LIG3: variants seen among roughly 807,000 people sequenced by gnomAD.
LIG3 encodes the protein ligase II, DNA, ATP-dependent.
In LIG3, 58 loss-of-function variants were observed where a neutral mutation model predicts 110.9. The ratio of observed to expected loss-of-function variants is 0.52; its 90% CI spans 0.42 to 0.65. The LOEUF is 0.65. Ranked by LOEUF, LIG3 falls within the 30% of genes least tolerant of loss-of-function variation. LIG3 has a pLI of 0.00. For synonymous variants in LIG3, 422 were observed against 472.8 expected (o/e 0.89, Z 1.39); for missense variants, 1,094 against 1,273.8 (o/e 0.86, Z 2.15).
chr17:35,005,833 A>G lies in LIG3; in HGVS notation c.*1327A>G, dbSNP rs1339360336. 1 of 440,640 alleles carries G rather than the reference A, an allele frequency of 2.3e-6. No homozygotes were observed. Among genetic ancestry groups the G allele is most frequent in the South Asian group, 1.8e-5 (1 of 54,902 alleles). The allele number at this position is 440,640 out of a possible 1,614,324, so 27.3% of individuals were successfully genotyped here. Reference sequence around the variant, plus strand: ...CCAATCCTCCAATATGAAATGTGGGAAAGAATGAAGAGCAGCAGTAAAAGA... The same window carrying G: ...CCAATCCTCCAATATGAAATGTGGGGAAGAATGAAGAGCAGCAGTAAAAGA... On this transcript the variant is annotated 3_prime_UTR_variant, in exon 20 of 20. Coordinates refer to ENST00000378526, the MANE Select transcript of LIG3 (RefSeq NM_013975.4).
At position 34,994,354 on chromosome 17, in the gene LIG3, G is replaced by A. The variant is rs2090756718; in HGVS notation, c.1534G>A (p.Glu512Lys). 3 of 1,614,072 alleles carry A rather than the reference G, an allele frequency of 1.9e-6. No homozygotes were observed. The highest frequency in any genetic ancestry group is 2.5e-6 in the Non-Finnish European group (3 of 1,180,020). The change falls in exon 9 of 20, where the codon GAG becomes AAG. Residue 512 changes from glutamate to lysine, a missense_variant. Coordinates refer to ENST00000378526, the MANE Select transcript of LIG3 (RefSeq NM_013975.4). ...GTTCTCTGAGATCAAGTACGATGGA[G>A]AGCGAGTCCAGGTGCATAAGAATGG... is the stretch of plus-strand genomic sequence containing the variant. ...GMFSEIKYDG[E>K]RVQVHKNGDH...
In LIG3 at chr17:35,001,331, C is replaced by T. The variant is rs1388766090; in HGVS notation, c.2406C>T (p.Ile802=). Residue 802 remains isoleucine, a synonymous_variant, in exon 17 of 20, where the codon ATC becomes ATT. Transcript: ENST00000378526. ...SEAHTADGIS[I]RFPRCTRIRD... ...CTCATACAGCTGACGGGATCTCCAT[C>T]CGATTCCCTCGCTGCACCCGAATCC... The T allele has an allele frequency of 6.2e-7, 1 of 1,614,154 alleles. No homozygotes were observed. The highest frequency in any genetic ancestry group is 1.1e-5 in the South Asian group (1 of 91,080).
chr17:34,986,523 C>T (rs1026479774), intron 3 of LIG3, among the ~76,000 whole-genome samples: 1 of 152,036 alleles, frequency 6.6e-6, no homozygotes, highest in Admixed American at 6.5e-5. Context: ...GGTTTCGCCA[C>T]GTTGGCCAGG....
At position 35,002,058 on chromosome 17, in the gene LIG3, T is replaced by A; in HGVS notation, c.2628T>A (p.Ser876Arg). ...AGGCCCCCAGCAAGCCCTCAGCCAG[T>A]ACCAAGAAAGCAGAAGGGAAGCTGA... ...SRKAPSKPSA[S>R]TKKAEGKLSN... is the part of the protein sequence containing the mutation. The change falls in exon 18 of 20, where the codon AGT becomes AGA. Residue 876 changes from serine (S) to arginine (R), a missense_variant. Transcript: ENST00000378526. The A allele has an allele frequency of 6.3e-7, 1 of 1,598,750 alleles. No homozygotes were observed. Among genetic ancestry groups the A allele is most frequent in the Non-Finnish European group, 8.5e-7 (1 of 1,174,338 alleles).
chr17:35,003,241 G>T, intron 19 of LIG3: 2 of 1,278,242 alleles, frequency 1.6e-6, no homozygotes, highest in Non-Finnish European at 2.1e-6. Flanking sequence ...CCTCCCACCT[G>T]AGGAGCCTTT....
rs61749869 is a variant in LIG3 at position 34,983,476 on chromosome 17, C to A, written c.471C>A (p.Ile157=). The part of the protein sequence containing the change: ...LERARATTKK[I]EDLTELEGWE... ...GGGCCCGGGCCACCACAAAAAAAATCGAGGACCTCACAGAGCTGGAAGGCT... is the reference window on the plus strand; with the variant it reads ...GGGCCCGGGCCACCACAAAAAAAATAGAGGACCTCACAGAGCTGGAAGGCT... The change falls in exon 2 of 20, where the codon ATC becomes ATA. Residue 157 remains isoleucine (I), a synonymous_variant. Coordinates refer to ENST00000378526, the MANE Select transcript of LIG3 (RefSeq NM_013975.4). 1.5e-3 allele frequency: 2,379 copies of A among 1,614,020 alleles called. 2 individuals carry two copies. The highest frequency in any genetic ancestry group is 1.8e-3 in the Non-Finnish European group (2,070 of 1,180,010).
chr17:34,997,002 T>C, intron 11 of LIG3: 1 of 203,562 alleles, frequency 4.9e-6, no homozygotes. Flanking sequence ...GGGTTTCAGT[T>C]TATTTCTCCA....
chr17:35,007,442 C>G lies in LIG3; in HGVS notation c.*2936C>G, dbSNP rs951005862. ...CTCTCCAGCAGAATGCTGGAGGCCT[C>G]CCTCTTCTGAACCTCTACATGCTGC... On this transcript the variant is annotated 3_prime_UTR_variant, in exon 20 of 20. Coordinates refer to ENST00000378526, the MANE Select transcript of LIG3 (RefSeq NM_013975.4). 6.6e-6 allele frequency: 1 copy of G among 152,214 alleles called. No homozygotes were observed. The highest frequency in any genetic ancestry group is 1.9e-4 in the East Asian group (1 of 5,182). The allele number at this position is 152,214 out of a possible 1,614,324, so 9.4% of individuals were successfully genotyped here.
chr17:34,981,053 C>T (rs995838011), intron 1 of LIG3: 1 of 152,350 alleles, frequency 6.6e-6, no homozygotes, highest in East Asian at 1.9e-4. Context: ...ACCCCACTGT[C>T]CCCGCCACTC....
chr17:34,992,539 C>T lies in LIG3; in HGVS notation c.1302C>T (p.Asp434=), dbSNP rs775193689. Residue 434 remains aspartate, a synonymous_variant, in exon 8 of 20, where the codon GAC becomes GAT. Coordinates refer to ENST00000378526, the MANE Select transcript of LIG3 (RefSeq NM_013975.4). The part of the protein sequence containing the change: ...SGAKHVLDAL[D]PNAYEAFKAS... ...CCCTTGGCAGGTTAGACGCCCTTGA[C>T]CCCAATGCCTATGAAGCCTTCAAAG... 6 of 1,603,390 alleles carry T rather than the reference C, an allele frequency of 3.7e-6. No individual in the cohort carries two copies. In the African/African-American group the frequency reaches 5.4e-5, roughly 14 times the overall value.
chr17:34,983,122 A>G lies in LIG3; in HGVS notation c.117A>G (p.Ser39=). 1 of 1,614,218 alleles carries G rather than the reference A, an allele frequency of 6.2e-7. No individual in the cohort carries two copies. The highest frequency in any genetic ancestry group is 1.6e-4 in the Middle Eastern group (1 of 6,062). Residue 39 remains serine, a synonymous_variant, in exon 2 of 20, where the codon TCA becomes TCG. Transcript: ENST00000378526. The part of the protein sequence containing the change: ...WRDVRQFSQW[S]ETDLLHGHPL... ...ATGTAAGACAATTCAGCCAGTGGTC[A>G]GAAACAGATCTGCTTCATGGACATC...
chr17:34,998,136 T>TA, intron 12 of LIG3, 83 bp from the exon 13 acceptor site: 1 of 979,472 alleles, frequency 1.0e-6, no homozygotes, highest in South Asian at 1.5e-5. Context: ...GACACTTAAC[T>TA]AGTGTGTGAA....
chr17:34,991,550 A>G, intron 5 of LIG3, 121 bp from the exon 6 acceptor site: 3 of 931,382 alleles, frequency 3.2e-6, no homozygotes, highest in East Asian at 2.4e-5. Flanking sequence ...TGGGCTAGAT[A>G]TGTTGAGTTG....
rs2090886084 is a variant in LIG3, at chr17:35,005,234, A to G, written c.*728A>G. 2.1e-6 allele frequency: 1 copy of G among 471,536 alleles called. No homozygotes were observed. Among genetic ancestry groups the G allele is most frequent in the Non-Finnish European group, 4.3e-6 (1 of 233,514 alleles). The allele number at this position is 471,536 out of a possible 1,614,324, so 29.2% of individuals were successfully genotyped here. ...TGCATCCCCAAAACCTGGAAACAAG[A>G]CTGTTCTTTAAGAATAAAAATCCAC... On this transcript the variant is annotated 3_prime_UTR_variant, in exon 20 of 20. Coordinates refer to ENST00000378526, the MANE Select transcript of LIG3 (RefSeq NM_013975.4).
intron 19 of LIG3, chr17:35,003,707 CAT>C (rs1356610301): frequency 6.4e-6 from 1 of 157,308 alleles, no homozygotes; most frequent in African/African-American, 2.4e-5. Flanking sequence ...GAGAAGTAAA[CAT>C]ATGATTGACA....
chr17:35,000,686 T>A (rs147450606), intron 16 of LIG3, among the ~76,000 whole-genome samples: 1,649 of 138,578 alleles, frequency 0.012, 33 homozygotes, highest in African/African-American at 0.041. Flanking sequence ...CATGATCTCA[T>A]CTCACTGCAG....
chr17:35,007,265 AGT>A lies in LIG3; in HGVS notation c.*2766_*2767del, dbSNP rs2090901900. ...GATCATCTTGTCCCTTCTCTGCCTT[AGT>A]GTGTGTTATTGCCATTTCAATGTCA... On this transcript the variant is annotated 3_prime_UTR_variant, in exon 20 of 20. Transcript: ENST00000378526. 2.0e-5 allele frequency: 3 copies of A among 152,266 alleles called. No homozygotes were observed. The South Asian group carries it at 6.2e-4, about 32-fold the overall frequency. 9.4% of individuals were successfully genotyped at this position (152,266 alleles called of 1,614,324 possible).
rs2090910000 is a variant in LIG3, at chr17:35,008,312, T to A, written c.*3806T>A. ...CCTCTTCCATATATTACATTTGTGG[T>A]CTTGAGCAAGTTAGTTAGTTACAAC... is the stretch of plus-strand genomic sequence containing the variant. On this transcript the variant is annotated 3_prime_UTR_variant, in exon 20 of 20. Transcript: ENST00000378526. 1 of 152,250 alleles carries A rather than the reference T, an allele frequency of 6.6e-6. No individual in the cohort carries two copies. The highest frequency in any genetic ancestry group is 2.4e-5 in the African/African-American group (1 of 41,460). 9.4% of individuals were successfully genotyped at this position (152,250 alleles called of 1,614,324 possible). A position where few individuals can be genotyped will look rare whatever the true frequency, so the allele number is the denominator to read the frequency against.
At chr17:34,995,804 A>C (rs1245464650) in intron 9 of LIG3, among the ~76,000 whole-genome samples, 4 of 152,140 alleles carry the variant, frequency 2.6e-5, no homozygotes, top group Admixed American at 6.5e-5. Context: ...TTCCTCAAAA[A>C]TTGTACCTTC....
Sources: gnomAD v4.1 joint callset for allele counts (sites outside exome capture counted in the v4.1 genomes callset) on GRCh38, gnomAD v4.1.1 for gene constraint, MANE v1.5 for transcripts, NCBI Gene and HGNC (gene_info 2026-07-23, HGNC 2026-07-21) for gene names.